The following CARMIL1 variants were observed in gnomAD, a reference collection of about 807,000 sequenced individuals.
The protein encoded by CARMIL1 is capping protein regulator and myosin 1 linker 1, also known as F-actin-uncapping protein LRRC16A.
A neutral mutation model predicts 177.1 loss-of-function variants in CARMIL1; 90 were observed. That is an observed-to-expected ratio of 0.51 (90% CI 0.43 to 0.61). The LOEUF (loss-of-function observed/expected upper bound fraction) is 0.61, where lower values mean the gene tolerates loss of function less well. Ranked by LOEUF, CARMIL1 falls within the 20% of genes least tolerant of loss-of-function variation. The pLI, the probability that CARMIL1 is intolerant of heterozygous loss-of-function variation, is 0.00. For missense variants in CARMIL1, 1,380 were observed against 1,667.0 expected (o/e 0.83, Z 3.00); for synonymous variants, 577 against 606.2 (o/e 0.95, Z 0.71).
chr6:25,281,117 CACGCGCGTGT>C lies in CARMIL1; in HGVS notation c.40+1283_40+1292del, dbSNP rs1158430501. On this transcript the variant is annotated intron_variant, in intron 1 of 36. Transcript: ENST00000329474. ...TACAGTATGAAATTATTCACAGACG[CACGCGCGTGT>C]GCGCGCGCGCACACACACACACACA... Among the ~76,000 whole-genome samples the C allele has an allele frequency of 1.2e-4, 11 of 92,112 alleles. No individual in the cohort carries two copies. The East Asian group carries it at 4.2e-3, about 35-fold the overall frequency. 60.4% of individuals were successfully genotyped at this position (92,112 alleles called of 152,430 possible).
At chr6:25,463,270 A>G (rs556642137) in intron 8 of CARMIL1, among the ~76,000 whole-genome samples, 227 of 152,308 alleles carry the variant, frequency 1.5e-3, no homozygotes, top group African/African-American at 5.2e-3. Flanking sequence ...GTTAGCATTT[A>G]TATCTTTTTT....
chr6:25,550,795 G>A lies in CARMIL1; in HGVS notation c.2329-115G>A, dbSNP rs544954739. 34 of 907,870 alleles carry A rather than the reference G, an allele frequency of 3.7e-5. No homozygotes were observed. In the East Asian group the frequency reaches 3.9e-4, roughly 10 times the overall value. 56.2% of individuals were successfully genotyped at this position (907,870 alleles called of 1,614,324 possible). A position where few individuals can be genotyped will look rare whatever the true frequency, so the allele number is the denominator to read the frequency against. On this transcript the variant is annotated intron_variant, in intron 26 of 36. Coordinates refer to ENST00000329474, the MANE Select transcript of CARMIL1 (RefSeq NM_017640.6). ...ATTCTTGGTTGCGCTCTGGGACTCC[G>A]TCGTGCTCCTGTTCTCTGAGGGCTC...
chr6:25,284,721 C>T (rs1781399452), intron 1 of CARMIL1, 91 bp from the exon 2 acceptor site: 2 of 717,158 alleles, frequency 2.8e-6, no homozygotes, highest in African/African-American at 1.8e-5. Flanking sequence ...AAGACAACAA[C>T]AGTAAAAACA....
intron 11 of CARMIL1, among the ~76,000 whole-genome samples, chr6:25,480,388 A>G (rs1801969364): frequency 6.6e-6 from 1 of 151,894 alleles, no homozygotes; most frequent in Non-Finnish European, 1.5e-5. Context: ...GAGTAATTGT[A>G]TCTTCTTAAT....
chr6:25,486,659 C>T (rs1207633993), intron 12 of CARMIL1, among the ~76,000 whole-genome samples: 4 of 152,116 alleles, frequency 2.6e-5, no homozygotes, highest in Admixed American at 6.5e-5. Context: ...AGCCACCATA[C>T]GTTTCTCTTA....
intron 2 of CARMIL1, among the ~76,000 whole-genome samples, chr6:25,392,443 T>C (rs551678422): frequency 1.3e-5 from 2 of 152,366 alleles, no homozygotes; most frequent in South Asian, 4.1e-4. Flanking sequence ...CTCTGACATA[T>C]GCAGCCTTGC....
intron 2 of CARMIL1, among the ~76,000 whole-genome samples, chr6:25,299,263 C>T (rs992465725): frequency 2.9e-4 from 44 of 150,738 alleles, no homozygotes; most frequent in African/African-American, 9.3e-4. Context: ...TTCTGCCTCC[C>T]GGGCTCAAGG....
rs1306030782 is a variant in CARMIL1 at position 25,620,300 on chromosome 6, A to G, written c.*717A>G. The G allele has an allele frequency of 1.3e-5, 2 of 152,206 alleles. No homozygotes were observed. Among genetic ancestry groups the G allele is most frequent in the African/African-American group, 2.4e-5 (1 of 41,444 alleles). 9.4% of individuals were successfully genotyped at this position (152,206 alleles called of 1,614,324 possible). ...TTTTACCATGTGCCCAGATTAATGTATATAGTTGATTGGAATGAGGTTTTA... is the reference window on the plus strand; with the variant it reads ...TTTTACCATGTGCCCAGATTAATGTGTATAGTTGATTGGAATGAGGTTTTA... On this transcript the variant is annotated 3_prime_UTR_variant, in exon 37 of 37. Transcript: ENST00000329474.
At position 25,282,083 on chromosome 6, in the gene CARMIL1, C is replaced by A. The variant is rs1284119296; in HGVS notation, c.40+2248C>A. ...TAAGCCGAGATCAAGCCATTTCATT[C>A]CAGCCTGGGCAATAAGAGTGAAACT... On this transcript the variant is annotated intron_variant, in intron 1 of 36. Transcript: ENST00000329474. Among the ~76,000 whole-genome samples the A allele has an allele frequency of 2.2e-5, 3 of 134,132 alleles. No individual in the cohort carries two copies. The Admixed American group carries it at 2.5e-4, about 11-fold the overall frequency. 88.0% of individuals were successfully genotyped at this position (134,132 alleles called of 152,430 possible). A position where few individuals can be genotyped will look rare whatever the true frequency, so the allele number is the denominator to read the frequency against.
intron 2 of CARMIL1, among the ~76,000 whole-genome samples, chr6:25,414,253 A>G (rs1230398421): frequency 1.3e-5 from 2 of 152,212 alleles, no homozygotes; most frequent in African/African-American, 2.4e-5. Flanking sequence ...GAATCTGAAT[A>G]TAAGTCTTTC....
At chr6:25,485,364 A>G (rs942260561) in intron 12 of CARMIL1, among the ~76,000 whole-genome samples, 1 of 152,234 alleles carries the variant, frequency 6.6e-6, no homozygotes, top group Non-Finnish European at 1.5e-5. Flanking sequence ...ATATATTAAA[A>G]TACATGTTTT....
At chr6:25,609,074 C>A (rs1816263718) in intron 35 of CARMIL1, among the ~76,000 whole-genome samples, 1 of 152,098 alleles carries the variant, frequency 6.6e-6, no homozygotes, top group Non-Finnish European at 1.5e-5. Context: ...TCAAATCCAT[C>A]CTGGGCTGCA....
chr6:25,450,262 C>T (rs1798658607), intron 6 of CARMIL1, 77 bp from the exon 7 acceptor site: 3 of 995,662 alleles, frequency 3.0e-6, no homozygotes, highest in Admixed American at 2.0e-5. Context: ...TCAACATCGG[C>T]CATATTTAAG....
At chr6:25,581,221 G>GTT (rs201519353) in intron 30 of CARMIL1, 22 bp from the exon 31 acceptor site, 2 of 1,597,588 alleles carry the variant, frequency 1.3e-6, no homozygotes, top group East Asian at 4.5e-5. Flanking sequence ...CTGTTTTTTT[G>GTT]TTTTTTTGTT....
At chr6:25,441,320 C>CAAACATATATATATATATATATATATAT (rs765704301) in intron 5 of CARMIL1, among the ~76,000 whole-genome samples, 1 of 99,628 alleles carries the variant, frequency 1.0e-5, no homozygotes, top group African/African-American at 4.0e-5. Flanking sequence ...AACAAACAAA[C>CAAACATATATATATATATATATATATAT]ATATATATAT....
intron 2 of CARMIL1, among the ~76,000 whole-genome samples, chr6:25,370,740 C>T (rs1298894530): frequency 6.6e-6 from 1 of 151,958 alleles, no homozygotes; most frequent in African/African-American, 2.4e-5. Context: ...ATTCACTAAA[C>T]ATATTTTTTT....
chr6:25,375,723 G>T (rs1277454620), intron 2 of CARMIL1, among the ~76,000 whole-genome samples: 1 of 152,080 alleles, frequency 6.6e-6, no homozygotes, highest in Non-Finnish European at 1.5e-5. Flanking sequence ...AATTTGAAAG[G>T]CTTATCTTCA....
At chr6:25,465,356 C>T (rs924048771) in intron 8 of CARMIL1, among the ~76,000 whole-genome samples, 4 of 151,968 alleles carry the variant, frequency 2.6e-5, no homozygotes, top group African/African-American at 9.7e-5. Flanking sequence ...TGGGGAAACC[C>T]CATCCATACA....
At chr6:25,440,695 A>G (rs1273865412) in intron 5 of CARMIL1, among the ~76,000 whole-genome samples, 2 of 152,220 alleles carry the variant, frequency 1.3e-5, no homozygotes, top group African/African-American at 4.8e-5. Flanking sequence ...GTTTATATAA[A>G]TAATGCACAA....
Sources: gnomAD v4.1 joint callset for allele counts (sites outside exome capture counted in the v4.1 genomes callset) on GRCh38, gnomAD v4.1.1 for gene constraint, MANE v1.5 for transcripts, NCBI Gene and HGNC (gene_info 2026-07-23, HGNC 2026-07-21) for gene names.